The following PRMT8 variants were observed in gnomAD, a reference collection of about 807,000 sequenced individuals.
PRMT8 encodes protein arginine methyltransferase 8, also known as protein arginine N-methyltransferase 8.
PRMT8 carries 7 observed loss-of-function variants against 47.1 expected under a neutral mutation model. The ratio of observed to expected loss-of-function variants is 0.15; its 90% CI spans 0.08 to 0.28. PRMT8 has a LOEUF of 0.28. Ranked by LOEUF, PRMT8 falls within the 10% of genes least tolerant of loss-of-function variation. The probability of loss-of-function intolerance (pLI) is 1.00; values close to 1 mark genes in which losing one functional copy is unlikely to be tolerated. For missense variants in PRMT8, 237 were observed against 505.4 expected, an observed-to-expected ratio of 0.47 and a Z score of 5.09; for synonymous variants, 188 against 186.5, an observed-to-expected ratio of 1.01 and a Z score of -0.07.
At chr12:3,392,171 G>A (rs1864199097) in intron 1 of PRMT8, among the ~76,000 whole-genome samples, 1 of 152,072 alleles carries the variant, frequency 6.6e-6, no homozygotes, top group Non-Finnish European at 1.5e-5. Flanking sequence ...GTCAAGCTAA[G>A]AAATTTGGAT....
chr12:3,440,096 C>G (rs1864783139), intron 1 of PRMT8, among the ~76,000 whole-genome samples: 1 of 152,094 alleles, frequency 6.6e-6, no homozygotes, highest in African/African-American at 2.4e-5. Context: ...CATGGGGGTC[C>G]CCACACAGAC....
intron 1 of PRMT8, among the ~76,000 whole-genome samples, chr12:3,427,414 C>T (rs1864617006): frequency 6.6e-6 from 1 of 152,072 alleles, no homozygotes; most frequent in African/African-American, 2.4e-5. Context: ...ACCCCTTTAA[C>T]TTTAGTCAAT....
At chr12:3,462,258 G>T (rs180731080) in intron 1 of PRMT8, among the ~76,000 whole-genome samples, 1 of 151,954 alleles carries the variant, frequency 6.6e-6, no homozygotes, top group Non-Finnish European at 1.5e-5. Context: ...TCATTGCAGC[G>T]CTATTTACAA....
chr12:3,480,975 G>C (rs1177740318), intron 1 of PRMT8, among the ~76,000 whole-genome samples: 1 of 152,226 alleles, frequency 6.6e-6, no homozygotes, highest in Non-Finnish European at 1.5e-5. Flanking sequence ...CACAAGAGGT[G>C]GTGGCGGTCT....
At chr12:3,463,041 C>G (rs1865056918) in intron 1 of PRMT8, 1 of 152,190 alleles carries the variant, frequency 6.6e-6, no homozygotes, top group South Asian at 2.1e-4. Flanking sequence ...GCCCTAGAAC[C>G]TGGGGTTGGG....
intron 1 of PRMT8, among the ~76,000 whole-genome samples, chr12:3,515,824 C>A (rs1301537552): frequency 6.6e-6 from 1 of 152,242 alleles, no homozygotes; most frequent in Non-Finnish European, 1.5e-5. Context: ...TTAGTGCTGG[C>A]AGTTCCTATT....
At position 3,438,542 on chromosome 12, in the gene PRMT8, T is replaced by C. The variant is rs1488090265; in HGVS notation, c.48+57100T>C. 2.0e-5 allele frequency among the ~76,000 whole-genome samples: 3 copies of C among 152,154 alleles called. No homozygotes were observed. The East Asian group carries it at 5.8e-4, about 29-fold the overall frequency. On this transcript the variant is annotated intron_variant, in intron 1 of 9. Coordinates refer to the PRMT8 transcript ENST00000452611. ...TCCTAGGGTCCAGAAGTGGGGCGGG[T>C]AGTCCCAATGTCTTCTGTTTCTCCC...
At chr12:3,382,198 G>T (rs1864099259) in intron 1 of PRMT8, among the ~76,000 whole-genome samples, 1 of 152,222 alleles carries the variant, frequency 6.6e-6, no homozygotes, top group South Asian at 2.1e-4. Context: ...GAACAGTCGT[G>T]TACAGGTATT....
intron 1 of PRMT8, among the ~76,000 whole-genome samples, chr12:3,530,123 G>C (rs1032447863): frequency 6.6e-6 from 1 of 152,112 alleles, no homozygotes; most frequent in Non-Finnish European, 1.5e-5. Context: ...ACCCTCCAAA[G>C]AGTATTGAGT....
In PRMT8 at chr12:3,576,753, G is replaced by A; in HGVS notation, c.713-118G>A. On this transcript the variant is annotated intron_variant, in intron 6 of 9. Transcript: ENST00000382622. This position sits in a 1 kb window ranked among gnomAD's most constrained non-coding sequence, Gnocchi z 4.0. Reference sequence around the variant, plus strand: ...TGAGCAGTTCTGCCTCTATTTCGATGCAAGGGAACTCGAGCTGCCACTCAG... The same window carrying A: ...TGAGCAGTTCTGCCTCTATTTCGATACAAGGGAACTCGAGCTGCCACTCAG... The A allele has an allele frequency of 1.4e-6, 1 of 738,124 alleles. No homozygotes were observed. The highest frequency in any genetic ancestry group is 2.4e-6 in the Non-Finnish European group (1 of 421,242). 45.7% of individuals were successfully genotyped at this position (738,124 alleles called of 1,614,324 possible).
At position 3,492,221 on chromosome 12, in the gene PRMT8, C is replaced by A. The variant is rs1287724633; in HGVS notation, c.75+521C>A. Among the ~76,000 whole-genome samples the A allele has an allele frequency of 6.6e-6, 1 of 152,072 alleles. No individual in the cohort carries two copies. Among genetic ancestry groups the A allele is most frequent in the Non-Finnish European group, 1.5e-5 (1 of 67,990 alleles). ...TCCGTCCCCGCAGCCGCGCGGAGAG[C>A]CCCCGGCCGCGGGGGCCGAGCCGGC... On this transcript the variant is annotated intron_variant, in intron 1 of 9. Coordinates refer to ENST00000382622, the MANE Select transcript of PRMT8 (RefSeq NM_019854.5). This position sits in a 1 kb window ranked among gnomAD's most constrained non-coding sequence, Gnocchi z 7.5.
At chr12:3,512,663 C>T (rs910912531) in intron 1 of PRMT8, among the ~76,000 whole-genome samples, 1 of 152,220 alleles carries the variant, frequency 6.6e-6, no homozygotes, top group Non-Finnish European at 1.5e-5. Flanking sequence ...TCTCTATCCA[C>T]ATTGCCCTAG....
At chr12:3,411,833 G>A (rs1361090643) in intron 1 of PRMT8, among the ~76,000 whole-genome samples, 2 of 152,196 alleles carry the variant, frequency 1.3e-5, no homozygotes, top group Admixed American at 6.5e-5. Flanking sequence ...GAACCTTCAT[G>A]TTAGACTTCC....
intron 1 of PRMT8, among the ~76,000 whole-genome samples, chr12:3,515,107 G>A (rs1038840283): frequency 1.6e-4 from 24 of 152,226 alleles, no homozygotes; most frequent in Non-Finnish European, 2.6e-4. Context: ...ACACAAATGG[G>A]TTCAGTAAAT....
At chr12:3,543,947 C>A (rs532364334) in intron 2 of PRMT8, among the ~76,000 whole-genome samples, 1 of 152,154 alleles carries the variant, frequency 6.6e-6, no homozygotes. Context: ...GCCTCAGCCA[C>A]GAGAAGAATC....
chr12:3,480,120 C>A (rs1865258832), intron 1 of PRMT8, among the ~76,000 whole-genome samples: 1 of 152,216 alleles, frequency 6.6e-6, no homozygotes, highest in South Asian at 2.1e-4. Context: ...TTAGAAAGAC[C>A]TTCTCTGCAA....
chr12:3,549,509 TTAA>T (rs1220559380), intron 2 of PRMT8, among the ~76,000 whole-genome samples: 18 of 145,754 alleles, frequency 1.2e-4, no homozygotes, highest in Non-Finnish European at 1.5e-5. Context: ...TTTTTTTTTT[TTAA>T]AAAAAAGGCA....
intron 1 of PRMT8, among the ~76,000 whole-genome samples, chr12:3,388,657 C>T (rs566484568): frequency 6.6e-6 from 1 of 152,070 alleles, no homozygotes; most frequent in African/African-American, 2.4e-5. Context: ...GATGAAGAAA[C>T]TTGCTCAATG....
chr12:3,512,019 G>A (rs1328417224), intron 1 of PRMT8, among the ~76,000 whole-genome samples: 1 of 152,136 alleles, frequency 6.6e-6, no homozygotes, highest in Non-Finnish European at 1.5e-5. Flanking sequence ...GGGAGTGTGG[G>A]GGGCAGTGGG....
Sources: gnomAD v4.1 joint callset for allele counts (sites outside exome capture counted in the v4.1 genomes callset) on GRCh38, gnomAD v4.1.1 for gene constraint, Gnocchi (gnomAD v3.1) non-coding constraint, MANE v1.5 for transcripts, NCBI Gene and HGNC (gene_info 2026-07-23, HGNC 2026-07-21) for gene names.